Variants in ENAH observed in about 807,000 individuals in gnomAD.
ENAH encodes the protein ENAH actin regulator.
In ENAH, 23 loss-of-function variants were observed where a neutral mutation model predicts 78.7. The observed-to-expected ratio is 0.29, with a 90% CI of 0.21 to 0.41. The LOEUF (loss-of-function observed/expected upper bound fraction) is 0.41. Among genes scored for constraint, ENAH ranks in the 10% least tolerant of loss-of-function variants. ENAH has a pLI of 1.00. For synonymous variants in ENAH, 226 were observed against 241.0 expected (o/e 0.94, Z 0.58); for missense variants, 544 against 691.0 (o/e 0.79, Z 2.39).
At chr1:225,631,118 G>A (rs1454174241) in intron 1 of ENAH, among the ~76,000 whole-genome samples, 1 of 152,166 alleles carries the variant, frequency 6.6e-6, no homozygotes, top group Non-Finnish European at 1.5e-5. Context: ...AAATGAGCAT[G>A]TGGTGAAAAG....
intron 3 of ENAH, among the ~76,000 whole-genome samples, chr1:225,536,292 A>G (rs925942719): frequency 1.2e-4 from 18 of 152,102 alleles, no homozygotes; most frequent in African/African-American, 4.3e-4. Context: ...TCTCTTTAGG[A>G]GAAAAAACTC....
intron 1 of ENAH, among the ~76,000 whole-genome samples, chr1:225,581,761 T>C (rs1412398078): frequency 2.0e-5 from 3 of 152,122 alleles, no homozygotes; most frequent in South Asian, 2.1e-4. Flanking sequence ...TGGTGCTCAC[T>C]GCATCCTCTA....
At chr1:225,650,171 A>G (rs1353907738) in intron 1 of ENAH, among the ~76,000 whole-genome samples, 1 of 152,162 alleles carries the variant, frequency 6.6e-6, no homozygotes, top group Non-Finnish European at 1.5e-5. Context: ...CTACCTAACC[A>G]CCTGCCAAAT....
chr1:225,637,594 G>T (rs1054889725), intron 1 of ENAH, among the ~76,000 whole-genome samples: 3 of 152,286 alleles, frequency 2.0e-5, no homozygotes, highest in Admixed American at 1.3e-4. Flanking sequence ...GATCTAGGGG[G>T]AGAACTTAGT....
chr1:225,642,908 T>C (rs534695844), intron 1 of ENAH, among the ~76,000 whole-genome samples: 2 of 152,322 alleles, frequency 1.3e-5, no homozygotes, highest in African/African-American at 4.8e-5. Flanking sequence ...CTTTTACCTA[T>C]CACATTGGCA....
At chr1:225,571,387 A>G (rs1039831900) in intron 1 of ENAH, among the ~76,000 whole-genome samples, 1 of 152,048 alleles carries the variant, frequency 6.6e-6, no homozygotes, top group African/African-American at 2.4e-5. Context: ...AAAAAGAAAA[A>G]AAAGAAAGAA....
intron 1 of ENAH, among the ~76,000 whole-genome samples, chr1:225,636,704 A>G (rs1300046138): frequency 6.6e-6 from 1 of 152,204 alleles, no homozygotes; most frequent in East Asian, 1.9e-4. Flanking sequence ...ATAAAATGAG[A>G]AGGCCAAAAA....
In ENAH at chr1:225,554,950, C is replaced by T; in HGVS notation, c.305G>A (p.Ser102Asn). The T allele has an allele frequency of 6.2e-7, 1 of 1,603,242 alleles. No homozygotes were observed. The highest frequency in any genetic ancestry group is 2.2e-5 in the East Asian group (1 of 44,730). The change falls in exon 3 of 14, where the codon AGT becomes AAT. Residue 102 changes from serine (S) to asparagine (N), a missense_variant. Physicochemically the swap from Ser to Asn is conservative, Grantham distance 46. This residue lies in a region of ENAH where 77 missense variants were observed against 151.8 expected (regional missense o/e 0.51). Coordinates refer to ENST00000366843, the MANE Select transcript of ENAH (RefSeq NM_018212.6). ...GSKEDANVFASAMMHALEVLN... is the reference protein window; with the variant it reads ...GSKEDANVFANAMMHALEVLN... ...CACTTCTAAGGCATGCATCATGGCA[C>T]TTGCGAAGACATTGGCATCCTCTTT...
At chr1:225,562,868 G>C (rs1226187126) in intron 2 of ENAH, among the ~76,000 whole-genome samples, 1 of 151,494 alleles carries the variant, frequency 6.6e-6, no homozygotes, top group Non-Finnish European at 1.5e-5. Context: ...AGCTACTCAG[G>C]AGACTGAGGC....
intron 4 of ENAH, chr1:225,524,557 T>A (rs1016820634): frequency 3.1e-5 from 30 of 962,390 alleles, no homozygotes; most frequent in African/African-American, 3.5e-5. Flanking sequence ...GACAGCTAAG[T>A]TTTAATATTA....
chr1:225,564,189 A>AC (rs1229235452), intron 2 of ENAH, among the ~76,000 whole-genome samples: 1 of 151,942 alleles, frequency 6.6e-6, no homozygotes, highest in Admixed American at 6.6e-5. Context: ...AATCACACTT[A>AC]CTACAGTCTC....
intron 6 of ENAH, among the ~76,000 whole-genome samples, chr1:225,515,567 C>G (rs145502665): frequency 6.5e-4 from 99 of 152,180 alleles, no homozygotes; most frequent in Admixed American, 1.2e-3. Flanking sequence ...GTTTTTATCC[C>G]ACAAAATGGG....
At position 225,540,807 on chromosome 1, in the gene ENAH, C is replaced by G. The variant is rs1343211956; in HGVS notation, c.350-10169G>C. 2.0e-5 allele frequency among the ~76,000 whole-genome samples: 3 copies of G among 151,910 alleles called. No individual in the cohort carries two copies. In the East Asian group the frequency reaches 5.8e-4, roughly 29 times the overall value. Reference sequence around the variant, plus strand: ...ATTACTTTTCACTATACACCACACTCACACAATTAAAATAAGAGCCAGTAA... The same window carrying G: ...ATTACTTTTCACTATACACCACACTGACACAATTAAAATAAGAGCCAGTAA... On this transcript the variant is annotated intron_variant, in intron 3 of 13. Transcript: ENST00000366843.
At chr1:225,577,920 T>A (rs1210167530) in intron 1 of ENAH, among the ~76,000 whole-genome samples, 1 of 152,192 alleles carries the variant, frequency 6.6e-6, no homozygotes, top group Admixed American at 6.5e-5. Flanking sequence ...TAGGGAGTAA[T>A]CTTTTCTCAA....
chr1:225,530,458 A>G, intron 4 of ENAH, 96 bp downstream of exon 4: 1 of 983,264 alleles, frequency 1.0e-6, no homozygotes, highest in Non-Finnish European at 1.6e-6. Flanking sequence ...TGACTCTTAA[A>G]CAGCTGATAA....
chr1:225,548,748 G>GT (rs2096627258), intron 3 of ENAH, among the ~76,000 whole-genome samples: 6 of 152,148 alleles, frequency 3.9e-5, no homozygotes, highest in Admixed American at 3.9e-4. Flanking sequence ...ACTGTGAGAG[G>GT]TAAGTATGAG....
At chr1:225,628,639 A>G (rs564316814) in intron 1 of ENAH, among the ~76,000 whole-genome samples, 2 of 152,262 alleles carry the variant, frequency 1.3e-5, no homozygotes, top group African/African-American at 4.8e-5. Flanking sequence ...GGCCGGGCAC[A>G]GTGGCTCACG....
rs770819404 is a variant in ENAH, at chr1:225,541,071, G to C, written c.350-10433C>G. On this transcript the variant is annotated intron_variant, in intron 3 of 13. Transcript: ENST00000366843. ...TGTTAGTAGTTGCCAGATGCTGGGA[G>C]GTATGGAGGAATTGGGGTAAAGGGA... Among the ~76,000 whole-genome samples, 43 of 152,308 alleles carry C rather than the reference G, an allele frequency of 2.8e-4. 1 individual carries two copies. The highest frequency in any genetic ancestry group is 8.3e-4 in the South Asian group (4 of 4,830).
chr1:225,648,220 G>A (rs1044943581), intron 1 of ENAH, among the ~76,000 whole-genome samples: 1 of 152,152 alleles, frequency 6.6e-6, no homozygotes, highest in African/African-American at 2.4e-5. Context: ...AAGAGGAAAA[G>A]ACAACTTTAA....
Sources: gnomAD v4.1 joint callset for allele counts (sites outside exome capture counted in the v4.1 genomes callset) on GRCh38, gnomAD v4.1.1 for gene constraint, gnomAD v4.1.1 regional missense constraint, MANE v1.5 for transcripts, NCBI Gene and HGNC (gene_info 2026-07-23, HGNC 2026-07-21) for gene names.